Variants in KALRN observed in about 807,000 individuals in gnomAD.
KALRN encodes the protein kalirin RhoGEF kinase.
Under a neutral mutation model 353.7 loss-of-function variants are expected in KALRN, and 70 were observed. That is an observed-to-expected ratio of 0.20 (90% CI 0.16 to 0.24). KALRN has a LOEUF of 0.24. Ranked by LOEUF, KALRN falls within the 10% of genes least tolerant of loss-of-function variation. The pLI is 1.00. For missense variants in KALRN, 2,791 were observed against 3,756.7 expected (o/e 0.74, Z 6.72); for synonymous variants, 1,391 against 1,434.8 (o/e 0.97, Z 0.69).
intron 21 of KALRN, among the ~76,000 whole-genome samples, chr3:124,453,454 T>C (rs2107528582): frequency 6.6e-6 from 1 of 152,248 alleles, no homozygotes; most frequent in South Asian, 2.1e-4. Flanking sequence ...TTCTCCAGCA[T>C]TTCTTGGGAG....
intron 33 of KALRN, among the ~76,000 whole-genome samples, chr3:124,501,010 A>C (rs573066673): frequency 6.6e-6 from 1 of 152,304 alleles, no homozygotes; most frequent in Admixed American, 6.5e-5. Flanking sequence ...AAAAGTAGCC[A>C]TCTGCACTGT....
At chr3:124,292,159 G>A (rs918495488) in intron 5 of KALRN, among the ~76,000 whole-genome samples, 3 of 152,142 alleles carry the variant, frequency 2.0e-5, no homozygotes, top group African/African-American at 7.2e-5. Flanking sequence ...TTCCATGAAA[G>A]CAAAATTGTA....
At chr3:124,071,023 C>T (rs887014193) in intron 1 of KALRN, among the ~76,000 whole-genome samples, 4 of 152,018 alleles carry the variant, frequency 2.6e-5, no homozygotes, top group South Asian at 2.1e-4. Context: ...TGATGTCTGT[C>T]ATTGAAAGGT....
intron 6 of KALRN, among the ~76,000 whole-genome samples, chr3:124,304,335 T>C (rs548556529): frequency 5.4e-4 from 82 of 152,320 alleles, no homozygotes; most frequent in African/African-American, 1.8e-3. Context: ...TTGCTAAACA[T>C]GCAGATTTCT....
intron 14 of KALRN, among the ~76,000 whole-genome samples, chr3:124,414,471 A>G (rs1001491345): frequency 6.6e-6 from 1 of 152,266 alleles, no homozygotes; most frequent in African/African-American, 2.4e-5. Flanking sequence ...AACAGTGATG[A>G]TAAAAATTTA....
intron 25 of KALRN, among the ~76,000 whole-genome samples, chr3:124,468,301 G>C (rs1027084322): frequency 6.6e-6 from 1 of 151,990 alleles, no homozygotes; most frequent in Non-Finnish European, 1.5e-5. Context: ...TTAAAATTCT[G>C]GTTGCCACCC....
chr3:124,675,772 G>A (rs901297819), intron 49 of KALRN, among the ~76,000 whole-genome samples: 5 of 152,156 alleles, frequency 3.3e-5, no homozygotes, highest in African/African-American at 1.2e-4. Flanking sequence ...AGAAGGCAGT[G>A]TTTGACTGGC....
At chr3:124,585,846 C>T (rs1027890038) in intron 34 of KALRN, among the ~76,000 whole-genome samples, 6 of 152,294 alleles carry the variant, frequency 3.9e-5, no homozygotes, top group African/African-American at 1.4e-4. Flanking sequence ...TTACAATACC[C>T]CACCCAGTCT....
Position 124,562,933 on chromosome 3 carries a change from G to C in KALRN, c.5026G>C (p.Glu1676Gln), listed in dbSNP as rs1040378811. 5.1e-6 allele frequency: 7 copies of C among 1,367,808 alleles called. No individual in the cohort carries two copies. The highest frequency in any genetic ancestry group is 6.8e-6 in the Non-Finnish European group (7 of 1,022,016). 84.7% of individuals were successfully genotyped at this position (1,367,808 alleles called of 1,614,324 possible). A position where few individuals can be genotyped will look rare whatever the true frequency, so the allele number is the denominator to read the frequency against. ...ELTIQVGQTV[E>Q]LLERPSERPG... ...GACCATCCAGGTGGGGCAGACGGTA[G>C]AGCTGCTGGAGCGGCCCAGCGAGCG... The change falls in exon 34 of 60, where the codon GAG becomes CAG. Residue 1676 changes from glutamate (E) to glutamine (Q), a missense_variant. Glu to Gln is a conservative substitution (Grantham distance 29). Transcript: ENST00000682506.
intron 6 of KALRN, among the ~76,000 whole-genome samples, chr3:124,306,068 CATTATT>C (rs1184017438): frequency 4.0e-5 from 6 of 151,738 alleles, no homozygotes; most frequent in Admixed American, 1.3e-4. Flanking sequence ...TCAGTAAAGA[CATTATT>C]ATTATTATTA....
chr3:124,388,199 G>A lies in KALRN; in HGVS notation c.1962+3163G>A, dbSNP rs147849094. On this transcript the variant is annotated intron_variant, in intron 11 of 59. Transcript: ENST00000682506. Reference sequence around the variant, plus strand: ...TCTGTTGCTTTGTAATAATTATGAGGATGACTATTACAACACTCATTTTTT... The same window carrying A: ...TCTGTTGCTTTGTAATAATTATGAGAATGACTATTACAACACTCATTTTTT... Among the ~76,000 whole-genome samples, 346 of 152,120 alleles carry A rather than the reference G, an allele frequency of 2.3e-3. 3 individuals carry two copies. Among genetic ancestry groups the A allele is most frequent in the African/African-American group, 7.6e-3 (315 of 41,484 alleles).
intron 6 of KALRN, among the ~76,000 whole-genome samples, chr3:124,315,945 A>T (rs1392557535): frequency 6.6e-6 from 1 of 152,190 alleles, no homozygotes; most frequent in Non-Finnish European, 1.5e-5. Flanking sequence ...GCCAGCTAGG[A>T]GTACCAGATG....
At chr3:124,126,213 A>T (rs2064651849) in intron 1 of KALRN, among the ~76,000 whole-genome samples, 1 of 152,252 alleles carries the variant, frequency 6.6e-6, no homozygotes, top group South Asian at 2.1e-4. Flanking sequence ...TTAAAAAAAA[A>T]TTAATCATGA....
At chr3:124,539,770 T>G (rs536233201) in intron 33 of KALRN, among the ~76,000 whole-genome samples, 10 of 149,402 alleles carry the variant, frequency 6.7e-5, no homozygotes, top group East Asian at 3.9e-4. Context: ...TCATTTTGTG[T>G]TTTTTTTTGA....
At chr3:124,111,184 C>T (rs1472015628) in intron 1 of KALRN, among the ~76,000 whole-genome samples, 1 of 152,172 alleles carries the variant, frequency 6.6e-6, no homozygotes, top group African/African-American at 2.4e-5. Flanking sequence ...CTTAGAACCC[C>T]AATACCTTAC....
chr3:124,525,834 C>T (rs1161029307), intron 33 of KALRN, among the ~76,000 whole-genome samples: 1 of 152,018 alleles, frequency 6.6e-6, no homozygotes, highest in Non-Finnish European at 1.5e-5. Flanking sequence ...AGGTATAACC[C>T]TCAAAGCCAG....
chr3:124,413,079 G>A (rs1385212677), intron 13 of KALRN, among the ~76,000 whole-genome samples: 1 of 152,144 alleles, frequency 6.6e-6, no homozygotes, highest in Non-Finnish European at 1.5e-5. Flanking sequence ...CTCTGGCAGG[G>A]TAAATAACCC....
At chr3:124,519,345 C>G in intron 33 of KALRN, 1 of 985,430 alleles carries the variant, frequency 1.0e-6, no homozygotes, top group Non-Finnish European at 1.2e-6. Context: ...TAAAAGTCCT[C>G]CAGTTTCCAA....
chr3:124,653,692 G>T (rs987936332), intron 38 of KALRN, among the ~76,000 whole-genome samples: 1 of 152,184 alleles, frequency 6.6e-6, no homozygotes, highest in African/African-American at 2.4e-5. Flanking sequence ...TGGAAGACCA[G>T]CCATTCCCTA....
Sources: allele counts gnomAD v4.1 joint callset (sites outside exome capture counted in the v4.1 genomes callset), GRCh38; gene constraint gnomAD v4.1.1; transcripts MANE v1.5; gene names NCBI Gene and HGNC (gene_info 2026-07-23, HGNC 2026-07-21).